The following SLC17A5 variants were observed in gnomAD, a reference collection of about 807,000 sequenced individuals.
The protein encoded by SLC17A5 is sialin.
A neutral mutation model predicts 59.4 loss-of-function variants in SLC17A5; 47 were observed. The ratio of observed to expected loss-of-function variants is 0.79; its 90% CI spans 0.63 to 1.01. The LOEUF (loss-of-function observed/expected upper bound fraction) is 1.01, where lower values mean the gene tolerates loss of function less well. Among genes scored for constraint, SLC17A5 ranks in the 50% least tolerant of loss-of-function variants. SLC17A5 has a pLI of 0.00. For missense variants in SLC17A5, 522 were observed against 595.5 expected, an observed-to-expected ratio of 0.88 and a Z score of 1.28; for synonymous variants, 202 against 210.7, an observed-to-expected ratio of 0.96 and a Z score of 0.36.
At chr6:73,610,182 C>T (rs189610112) in intron 9 of SLC17A5, among the ~76,000 whole-genome samples, 4 of 151,952 alleles carry the variant, frequency 2.6e-5, no homozygotes, top group Admixed American at 6.6e-5. Context: ...TACAGGTGCC[C>T]GCCATCATGC....
intron 8 of SLC17A5, among the ~76,000 whole-genome samples, chr6:73,610,864 A>G (rs1398945260): frequency 1.3e-5 from 2 of 152,228 alleles, no homozygotes; most frequent in African/African-American, 4.8e-5. Flanking sequence ...GAGAGAAGCA[A>G]TAGCTGACAC....
At chr6:73,621,353 G>C (rs1270626279) in intron 7 of SLC17A5, among the ~76,000 whole-genome samples, 5 of 152,110 alleles carry the variant, frequency 3.3e-5, no homozygotes. Context: ...TGCCCGGTCT[G>C]GTCTCAAATG....
At chr6:73,638,582 A>G (rs1431046142) in intron 3 of SLC17A5, 83 bp from the exon 4 acceptor site, 15 of 1,102,442 alleles carry the variant, frequency 1.4e-5, no homozygotes, top group Non-Finnish European at 2.1e-5. Context: ...ATTTTGCTAC[A>G]AAAGCATTTT....
intron 10 of SLC17A5, among the ~76,000 whole-genome samples, chr6:73,597,252 G>A (rs188111138): frequency 2.6e-5 from 4 of 151,762 alleles, no homozygotes; most frequent in African/African-American, 4.8e-5. Flanking sequence ...CGGATCACGA[G>A]GTCAGGAGAT....
intron 6 of SLC17A5, among the ~76,000 whole-genome samples, chr6:73,632,606 C>A (rs948317659): frequency 6.6e-6 from 1 of 151,316 alleles, no homozygotes; most frequent in Non-Finnish European, 1.5e-5. Context: ...TCATGCTTGG[C>A]TAATTTTTAA....
At chr6:73,604,184 C>CA (rs1231133845) in intron 9 of SLC17A5, among the ~76,000 whole-genome samples, 2 of 151,680 alleles carry the variant, frequency 1.3e-5, no homozygotes, top group East Asian at 3.9e-4. Flanking sequence ...TAAGAGGAGT[C>CA]AACTGCAATG....
chr6:73,595,342 C>T (rs763914025), intron 10 of SLC17A5, 128 bp from the exon 11 acceptor site: 12 of 965,080 alleles, frequency 1.2e-5, no homozygotes, highest in Middle Eastern at 3.1e-4. Flanking sequence ...TTGAAACAAC[C>T]CAAATGTCCA....
At chr6:73,620,547 T>C (rs1290855474) in intron 7 of SLC17A5, among the ~76,000 whole-genome samples, 1 of 152,148 alleles carries the variant, frequency 6.6e-6, no homozygotes, top group Non-Finnish European at 1.5e-5. Flanking sequence ...TTTTCAGAAG[T>C]AGACAGAGGA....
intron 6 of SLC17A5, among the ~76,000 whole-genome samples, chr6:73,628,796 C>T (rs917960367): frequency 5.3e-5 from 8 of 151,846 alleles, no homozygotes; most frequent in African/African-American, 1.9e-4. Flanking sequence ...TAAGTTGAAA[C>T]AGAAAAGGAC....
intron 1 of SLC17A5, among the ~76,000 whole-genome samples, chr6:73,652,630 G>A (rs1439386226): frequency 6.6e-6 from 1 of 151,968 alleles, no homozygotes; most frequent in African/African-American, 2.4e-5. Flanking sequence ...TATACAATTT[G>A]AACACTACAA....
chr6:73,625,704 G>A (rs1168568621), intron 6 of SLC17A5, among the ~76,000 whole-genome samples: 1 of 152,116 alleles, frequency 6.6e-6, no homozygotes, highest in Non-Finnish European at 1.5e-5. Context: ...AGTTTTAAAA[G>A]GCTTCACTGG....
intron 1 of SLC17A5, 133 bp downstream of exon 1, chr6:73,653,660 T>A: frequency 9.7e-7 from 1 of 1,034,880 alleles, no homozygotes; most frequent in Non-Finnish European, 1.4e-6. Flanking sequence ...GCTCCCCTCT[T>A]AATGTCCCCT....
chr6:73,602,774 CA>C (rs71000136), intron 9 of SLC17A5, among the ~76,000 whole-genome samples: 47,492 of 100,746 alleles, frequency 0.47, 8,010 homozygotes, highest in African/African-American at 0.55. Context: ...GACTCCGTCT[CA>C]AAAAAAAAAA....
chr6:73,622,064 C>T, intron 6 of SLC17A5, 102 bp from the exon 7 acceptor site: 2 of 1,122,518 alleles, frequency 1.8e-6, no homozygotes, highest in South Asian at 2.7e-5. Flanking sequence ...CAGAATATCA[C>T]CTTAATTAGT....
At chr6:73,638,620 C>A (rs897550416) in intron 3 of SLC17A5, 121 bp from the exon 4 acceptor site, 2 of 784,448 alleles carry the variant, frequency 2.5e-6, no homozygotes, top group Non-Finnish European at 4.3e-6. Context: ...GAATCAGGTT[C>A]CATGAAATGA....
chr6:73,635,092 A>AT (rs879943420), intron 6 of SLC17A5: 4 of 169,318 alleles, frequency 2.4e-5, no homozygotes, highest in East Asian at 3.1e-4. Flanking sequence ...TGTATTTAAA[A>AT]TTTTTTTTTA....
intron 6 of SLC17A5, among the ~76,000 whole-genome samples, chr6:73,625,328 A>G (rs1204295156): frequency 6.6e-6 from 1 of 151,740 alleles, no homozygotes; most frequent in East Asian, 1.9e-4. Context: ...CTGGGATTAT[A>G]GGCACCCGCC....
chr6:73,621,830 C>T lies in SLC17A5; in HGVS notation c.952G>A (p.Glu318Lys). ...LLTLLPTYMK[E>K]ILRFNVQENG... ...TCTTGAACATTGAACCTTAGGATCTCCTTCATATAAGTAGGCAATAATGTC... is the reference window on the plus strand; with the variant it reads ...TCTTGAACATTGAACCTTAGGATCTTCTTCATATAAGTAGGCAATAATGTC... The change falls in exon 7 of 11, where the codon GAG (glutamate) becomes AAG (lysine). Residue 318 changes from glutamate (E) to lysine (K), a missense_variant. Transcript: ENST00000355773. 2 of 1,611,918 alleles carry T rather than the reference C, an allele frequency of 1.2e-6. No homozygotes were observed. The highest frequency in any genetic ancestry group is 1.1e-5 in the South Asian group (1 of 91,028).
In SLC17A5 at chr6:73,594,692, G is replaced by C. The variant is rs3734518; in HGVS notation, c.*385C>G. The C allele has an allele frequency of 0.25, 59,865 of 235,922 alleles. 8,362 individuals carry two copies. The highest frequency in any genetic ancestry group is 0.3 in the Non-Finnish European group (35,712 of 118,826). The allele number at this position is 235,922 out of a possible 1,614,324, so 14.6% of individuals were successfully genotyped here. On this transcript the variant is annotated 3_prime_UTR_variant, in exon 11 of 11. Coordinates refer to ENST00000355773, the MANE Select transcript of SLC17A5 (RefSeq NM_012434.5). ...AGAGAGAGCTGACAATTTTTATGAG[G>C]AAAGTGAACAACAACAGGTGTTTAT...
Sources: gnomAD v4.1 joint callset for allele counts (sites outside exome capture counted in the v4.1 genomes callset) on GRCh38, gnomAD v4.1.1 for gene constraint, MANE v1.5 for transcripts, NCBI Gene and HGNC (gene_info 2026-07-23, HGNC 2026-07-21) for gene names.